Variants in FKBP1B observed in about 807,000 individuals in gnomAD.
FKBP1B encodes the protein FKBP prolyl isomerase 1B.
A neutral mutation model predicts 13.5 loss-of-function variants in FKBP1B; 4 were observed. That is an observed-to-expected ratio of 0.30 (90% CI 0.15 to 0.68). FKBP1B has a LOEUF of 0.68. Ranked by LOEUF, FKBP1B falls within the 30% of genes least tolerant of loss-of-function variation. The probability of loss-of-function intolerance (pLI) is 0.76; values close to 1 mark genes in which losing one functional copy is unlikely to be tolerated. For missense variants in FKBP1B, 93 were observed against 136.2 expected (o/e 0.68, Z 1.58); for synonymous variants, 54 against 53.6 (o/e 1.01, Z -0.03).
At chr2:24,034,132 A>G in the FKBP1B span, among the ~76,000 whole-genome samples, 1 of 152,230 alleles carries the variant, frequency 6.6e-6, no homozygotes, top group East Asian at 1.9e-4. Flanking sequence ...TTTTAAAAGT[A>G]TAATAGGGCC....
the FKBP1B span, chr2:24,037,745 T>C: frequency 2.5e-6 from 4 of 1,614,100 alleles, no homozygotes; most frequent in African/African-American, 1.3e-5. Flanking sequence ...TTCTTCCCAT[T>C]ATGCAGACGG....
At chr2:24,040,946 G>A in the FKBP1B span, among the ~76,000 whole-genome samples, 2 of 152,100 alleles carry the variant, frequency 1.3e-5, no homozygotes, top group South Asian at 2.1e-4. Flanking sequence ...AACTGGGGAG[G>A]CAGAGGCTAC....
chr2:24,050,146 G>T lies in FKBP1B; in HGVS notation c.37+260G>T, dbSNP rs1419802837. On this transcript the variant is annotated intron_variant, in intron 1 of 3. Transcript: ENST00000380986. The surrounding 1 kb of genome is among the most constrained non-coding windows in gnomAD (Gnocchi z 5.8). ...GCCCGGAGGCGGGGGTCTGCGGCCCGCCACCGCCCCGGGCTTCTCCTGTCG... is the reference window on the plus strand; with the variant it reads ...GCCCGGAGGCGGGGGTCTGCGGCCCTCCACCGCCCCGGGCTTCTCCTGTCG... 6.6e-6 allele frequency among the ~76,000 whole-genome samples: 1 copy of T among 152,100 alleles called. No homozygotes were observed. The highest frequency in any genetic ancestry group is 1.5e-5 in the Non-Finnish European group (1 of 68,002).
chr2:24,034,504 T>C, the FKBP1B span, among the ~76,000 whole-genome samples: 1 of 151,736 alleles, frequency 6.6e-6, no homozygotes, highest in South Asian at 2.1e-4. Context: ...CAGAGATAAC[T>C]ACTGACAACA....
the FKBP1B span, chr2:24,039,077 G>A: frequency 1.9e-6 from 3 of 1,614,128 alleles, no homozygotes; most frequent in South Asian, 3.3e-5. Flanking sequence ...TGAACATTAG[G>A]GAAAATGGAG....
intron 2 of FKBP1B, chr2:24,054,402 C>G (rs994552001): frequency 2.0e-5 from 5 of 245,814 alleles, no homozygotes; most frequent in Middle Eastern, 4.4e-4. Context: ...GGGGTGATGG[C>G]AGTGCTTTTC....
intron 3 of FKBP1B, among the ~76,000 whole-genome samples, chr2:24,062,251 C>T (rs780938396): frequency 1.3e-5 from 2 of 152,150 alleles, no homozygotes; most frequent in Non-Finnish European, 2.9e-5. Context: ...CAGCTCACTG[C>T]AACCTCCTCC....
chr2:24,046,415 T>G (rs1573672158), upstream of FKBP1B, among the ~76,000 whole-genome samples: 1 of 152,112 alleles, frequency 6.6e-6, no homozygotes, highest in African/African-American at 2.4e-5. Context: ...AGAGTATAAG[T>G]TTTTTGGAGA....
At chr2:24,038,741 G>T in the FKBP1B span, 4 of 1,614,152 alleles carry the variant, frequency 2.5e-6, no homozygotes, top group Non-Finnish European at 3.4e-6. Context: ...CCAATAACTG[G>T]TAAAGCATAC....
intron 2 of FKBP1B, among the ~76,000 whole-genome samples, chr2:24,056,020 G>A (rs949546062): frequency 2.6e-5 from 4 of 152,120 alleles, no homozygotes; most frequent in African/African-American, 7.2e-5. Context: ...TTGAGACAGA[G>A]TCTATGTTGC....
chr2:24,059,744 A>C (rs1664297262), intron 2 of FKBP1B, among the ~76,000 whole-genome samples: 1 of 151,800 alleles, frequency 6.6e-6, no homozygotes, highest in African/African-American at 2.4e-5. Flanking sequence ...AAATATAAAA[A>C]AATTAGCAGG....
chr2:24,061,677 C>T (rs1367561885), intron 3 of FKBP1B, among the ~76,000 whole-genome samples: 1 of 152,178 alleles, frequency 6.6e-6, no homozygotes, highest in Non-Finnish European at 1.5e-5. Context: ...AAAACCAGGA[C>T]ATTCACACTG....
chr2:24,062,240 TC>T (rs1192134686), intron 3 of FKBP1B, among the ~76,000 whole-genome samples: 1 of 152,126 alleles, frequency 6.6e-6, no homozygotes, highest in African/African-American at 2.4e-5. Context: ...TGGCACAATC[TC>T]AGCTCACTGC....
upstream of FKBP1B, among the ~76,000 whole-genome samples, chr2:24,047,648 A>T (rs143565017): frequency 3.2e-4 from 48 of 152,174 alleles, no homozygotes; most frequent in East Asian, 8.3e-3. Context: ...TCCCTTAAGC[A>T]CTTGAGCTCT....
chr2:24,055,537 T>C (rs879432747), intron 2 of FKBP1B, among the ~76,000 whole-genome samples: 1 of 152,210 alleles, frequency 6.6e-6, no homozygotes, highest in Non-Finnish European at 1.5e-5. Context: ...TTTGTCTCCA[T>C]GGATTGGTTT....
chr2:24,038,705 C>T, the FKBP1B span: 2 of 1,614,148 alleles, frequency 1.2e-6, no homozygotes, highest in Non-Finnish European at 1.7e-6. Flanking sequence ...GAATCAGTTG[C>T]CTCTTTATCC....
chr2:24,048,050 TGGA>T (rs1383460209), upstream of FKBP1B, among the ~76,000 whole-genome samples: 9 of 152,126 alleles, frequency 5.9e-5, no homozygotes, highest in Non-Finnish European at 1.2e-4. Flanking sequence ...GATGAGGAAA[TGGA>T]GGAAGAACAC....
At chr2:24,051,818 T>A (rs1207631638) in intron 1 of FKBP1B, among the ~76,000 whole-genome samples, 31 of 152,214 alleles carry the variant, frequency 2.0e-4, no homozygotes, top group Admixed American at 2.0e-3. Context: ...TAGAGTCCTC[T>A]AAATATCGGC....
chr2:24,037,534 G>A, the FKBP1B span: 1 of 920,694 alleles, frequency 1.1e-6, no homozygotes. Flanking sequence ...CTGCAAAGGT[G>A]TACCAACTTG....
Sources: allele counts gnomAD v4.1 joint callset (sites outside exome capture counted in the v4.1 genomes callset), GRCh38; gene constraint gnomAD v4.1.1; non-coding constraint Gnocchi (gnomAD v3.1); transcripts MANE v1.5; gene names NCBI Gene and HGNC (gene_info 2026-07-23, HGNC 2026-07-21).